Variants in TMEM132D observed in about 807,000 individuals in gnomAD.
TMEM132D encodes the protein mature OL transmembrane protein.
TMEM132D carries 21 observed loss-of-function variants against 62.3 expected under a neutral mutation model. That is an observed-to-expected ratio of 0.34 (90% CI 0.24 to 0.49). The LOEUF (loss-of-function observed/expected upper bound fraction) is 0.49. TMEM132D is among the 20% of genes least tolerant of loss of function. The probability of loss-of-function intolerance (pLI) is 0.99; values close to 1 mark genes in which losing one functional copy is unlikely to be tolerated. For synonymous variants in TMEM132D, 621 were observed against 575.6 expected (o/e 1.08, Z -1.13); for missense variants, 1,346 against 1,402.8 (o/e 0.96, Z 0.65).
intron 4 of TMEM132D, among the ~76,000 whole-genome samples, chr12:129,258,606 T>C (rs1357495687): frequency 1.3e-5 from 2 of 152,180 alleles, no homozygotes; most frequent in Non-Finnish European, 2.9e-5. Context: ...CTTTTTACCT[T>C]TGTGCCAAAA....
chr12:129,259,099 G>C (rs1880483958), intron 4 of TMEM132D, among the ~76,000 whole-genome samples: 1 of 152,198 alleles, frequency 6.6e-6, no homozygotes, highest in African/African-American at 2.4e-5. Context: ...CTCTTATCTA[G>C]TCATCACCTT....
chr12:129,084,514 G>T lies in TMEM132D; in HGVS notation c.1632C>A (p.Pro544=). ...ATACCCACCTCCTGCTGGAGACGAT[G>T]GGCACTCTCCAACCCTTGATCTGAT... is the stretch of plus-strand genomic sequence containing the variant. ...ELNQIKGWRV[P]IVSSRRPAGD... The change falls in exon 6 of 9, where the codon CCC becomes CCA. Residue 544 remains proline (P), a synonymous_variant. Transcript: ENST00000422113. The T allele has an allele frequency of 1.9e-6, 3 of 1,603,406 alleles. No homozygotes were observed. The highest frequency in any genetic ancestry group is 1.7e-6 in the Non-Finnish European group (2 of 1,174,822).
At chr12:129,843,179 T>G (rs1382323610) in intron 1 of TMEM132D, among the ~76,000 whole-genome samples, 1 of 152,158 alleles carries the variant, frequency 6.6e-6, no homozygotes, top group South Asian at 2.1e-4. Flanking sequence ...TAGAGCCCAC[T>G]TTTTGAAGGA....
chr12:129,554,993 C>T (rs1348598114), intron 2 of TMEM132D, among the ~76,000 whole-genome samples: 1 of 152,164 alleles, frequency 6.6e-6, no homozygotes, highest in East Asian at 1.9e-4. Flanking sequence ...AACCTCCAGC[C>T]CTCCAAAGAA....
chr12:129,332,695 G>A (rs988527275), intron 4 of TMEM132D, among the ~76,000 whole-genome samples: 2 of 152,168 alleles, frequency 1.3e-5, no homozygotes, highest in African/African-American at 4.8e-5. Context: ...TAATGGATTT[G>A]ACTACATACA....
At chr12:129,525,347 T>A (rs1191699489) in intron 3 of TMEM132D, among the ~76,000 whole-genome samples, 1 of 146,558 alleles carries the variant, frequency 6.8e-6, no homozygotes, top group African/African-American at 2.5e-5. Flanking sequence ...TAAAACAAAC[T>A]TGAATGGAAA....
intron 2 of TMEM132D, among the ~76,000 whole-genome samples, chr12:129,614,132 T>G (rs375007929): frequency 2.1e-5 from 3 of 143,412 alleles, no homozygotes; most frequent in South Asian, 2.3e-4. Context: ...GAACCCAGGG[T>G]ACTGTCTGGA....
At chr12:129,747,285 C>T (rs1274419421) in intron 1 of TMEM132D, among the ~76,000 whole-genome samples, 1 of 71,112 alleles carries the variant, frequency 1.4e-5, no homozygotes, top group Non-Finnish European at 3.3e-5. Flanking sequence ...CCTTTCCATC[C>T]GCCTCAAGTT....
intron 5 of TMEM132D, among the ~76,000 whole-genome samples, chr12:129,206,942 T>C (rs924583491): frequency 7.9e-5 from 12 of 152,068 alleles, no homozygotes; most frequent in African/African-American, 2.4e-4. Context: ...CACTGGGGTC[T>C]ATGGAAGGCT....
intron 2 of TMEM132D, among the ~76,000 whole-genome samples, chr12:129,597,036 G>C (rs1878356295): frequency 6.6e-6 from 1 of 152,148 alleles, no homozygotes; most frequent in South Asian, 2.1e-4. Context: ...CAATATTTTG[G>C]TTCCCTGACT....
intron 3 of TMEM132D, among the ~76,000 whole-genome samples, chr12:129,353,936 AAC>A: frequency 6.6e-6 from 1 of 152,060 alleles, no homozygotes; most frequent in East Asian, 1.9e-4. Context: ...GCTCCTTCCC[AAC>A]ACAGACAGCT....
intron 3 of TMEM132D, among the ~76,000 whole-genome samples, chr12:129,520,480 TC>T (rs1166613385): frequency 1.3e-5 from 2 of 152,216 alleles, no homozygotes; most frequent in Non-Finnish European, 2.9e-5. Flanking sequence ...TCCTAGTTTT[TC>T]CATTTTTATA....
At chr12:129,467,600 C>T (rs1042703199) in intron 3 of TMEM132D, among the ~76,000 whole-genome samples, 4 of 152,160 alleles carry the variant, frequency 2.6e-5, no homozygotes, top group Non-Finnish European at 5.9e-5. Flanking sequence ...TCTGCACCCT[C>T]GGGTATCACA....
At chr12:129,773,940 C>A (rs1870837922) in intron 1 of TMEM132D, among the ~76,000 whole-genome samples, 1 of 152,152 alleles carries the variant, frequency 6.6e-6, no homozygotes, top group Non-Finnish European at 1.5e-5. Context: ...GCTCTGGTTA[C>A]TAAATGAGAC....
intron 3 of TMEM132D, among the ~76,000 whole-genome samples, chr12:129,430,752 G>A (rs565550048): frequency 1.3e-5 from 2 of 152,198 alleles, no homozygotes; most frequent in African/African-American, 2.4e-5. Context: ...GGTGAACTTG[G>A]CCTTCCCTGC....
At chr12:129,186,862 T>G (rs1021305532) in intron 5 of TMEM132D, among the ~76,000 whole-genome samples, 1 of 152,250 alleles carries the variant, frequency 6.6e-6, no homozygotes, top group Non-Finnish European at 1.5e-5. Flanking sequence ...TGTCTAATGC[T>G]AACATTTCAA....
At chr12:129,716,175 C>T (rs544176123) in intron 1 of TMEM132D, among the ~76,000 whole-genome samples, 1 of 152,152 alleles carries the variant, frequency 6.6e-6, no homozygotes, top group East Asian at 1.9e-4. Flanking sequence ...TTCAGACTTG[C>T]AGTCTGAAGT....
intron 3 of TMEM132D, among the ~76,000 whole-genome samples, chr12:129,463,719 G>A (rs1386194578): frequency 1.3e-5 from 2 of 151,274 alleles, no homozygotes; most frequent in African/African-American, 4.9e-5. Context: ...GTGAGAACAT[G>A]CGGTGTTCGG....
intron 1 of TMEM132D, among the ~76,000 whole-genome samples, chr12:129,849,751 A>G (rs945016988): frequency 1.5e-4 from 23 of 152,176 alleles, no homozygotes; most frequent in African/African-American, 4.6e-4. Context: ...CTCTCCTCTG[A>G]ATCTTACAAC....
Sources: gnomAD v4.1 joint callset for allele counts (sites outside exome capture counted in the v4.1 genomes callset) on GRCh38, gnomAD v4.1.1 for gene constraint, MANE v1.5 for transcripts, NCBI Gene and HGNC (gene_info 2026-07-23, HGNC 2026-07-21) for gene names.